Variants in PDE9A observed in about 807,000 individuals in gnomAD.
PDE9A encodes high affinity cGMP-specific 3',5'-cyclic phosphodiesterase 9A.
In PDE9A, 60 loss-of-function variants were observed where a neutral mutation model predicts 87.4. That is an observed-to-expected ratio of 0.69 (90% CI 0.56 to 0.85). The LOEUF is 0.85. Among genes scored for constraint, PDE9A ranks in the 40% least tolerant of loss-of-function variants. The pLI is 0.00. For synonymous variants in PDE9A, 272 were observed against 279.4 expected (o/e 0.97, Z 0.27); for missense variants, 665 against 779.0 (o/e 0.85, Z 1.74).
intron 19 of PDE9A, among the ~76,000 whole-genome samples, chr21:42,774,138 T>TATAA (rs765129934): frequency 6.6e-6 from 1 of 151,916 alleles, no homozygotes; most frequent in African/African-American, 2.4e-5. Context: ...CTCAAAAAAA[T>TATAA]ATAAATAAAT....
chr21:42,732,393 C>T (rs2051895282), intron 6 of PDE9A, among the ~76,000 whole-genome samples: 1 of 152,214 alleles, frequency 6.6e-6, no homozygotes, highest in Non-Finnish European at 1.5e-5. Flanking sequence ...ATGTTCTCCA[C>T]CGGCTCTTCT....
chr21:42,771,221 G>T (rs2269174), intron 18 of PDE9A, among the ~76,000 whole-genome samples: 1 of 151,976 alleles, frequency 6.6e-6, no homozygotes, highest in African/African-American at 2.4e-5. Flanking sequence ...CTGGCACGGG[G>T]ACAAAGCGAC....
At chr21:42,720,771 C>G (rs1381932262) in intron 4 of PDE9A, among the ~76,000 whole-genome samples, 1 of 151,894 alleles carries the variant, frequency 6.6e-6, no homozygotes, top group Non-Finnish European at 1.5e-5. Context: ...TTTGGGAGGC[C>G]GAGGTGGGCG....
At chr21:42,737,233 A>G (rs1299818305) in intron 7 of PDE9A, among the ~76,000 whole-genome samples, 1 of 152,242 alleles carries the variant, frequency 6.6e-6, no homozygotes, top group Non-Finnish European at 1.5e-5. Context: ...TCCCATCTAC[A>G]TATGCACACA....
Position 42,771,259 on chromosome 21 carries a change from AAC to A in PDE9A, c.1686+468_1686+469del, listed in dbSNP as rs560782459. On this transcript the variant is annotated intron_variant, in intron 18 of 19. Transcript: ENST00000291539. ...CCCACCTGCCAGCTCCCGGGCCCAG[AAC>A]ACACACCGGCACCTCTCAGGGGCCA... Among the ~76,000 whole-genome samples the A allele has an allele frequency of 1.3e-4, 20 of 152,318 alleles. No individual in the cohort carries two copies. In the South Asian group the frequency reaches 3.9e-3, roughly 30 times the overall value.
At chr21:42,663,018 C>T (rs566438315) in intron 1 of PDE9A, among the ~76,000 whole-genome samples, 3 of 150,042 alleles carry the variant, frequency 2.0e-5, no homozygotes, top group South Asian at 4.3e-4. Flanking sequence ...ACCACACACA[C>T]GCACATATCA....
At chr21:42,741,703 C>CCTCGAAACGG (rs1223790578) in intron 7 of PDE9A, 1 of 134,576 alleles carries the variant, frequency 7.4e-6, no homozygotes, top group East Asian at 2.3e-4. Context: ...CCTGGAAACG[C>CCTCGAAACGG]CTCGAAACCC....
At position 42,760,579 on chromosome 21, in the gene PDE9A, C is replaced by T; in HGVS notation, c.1002+147C>T. 1.6e-6 allele frequency: 1 copy of T among 637,630 alleles called. No individual in the cohort carries two copies. Among genetic ancestry groups the T allele is most frequent in the Non-Finnish European group, 2.8e-6 (1 of 357,820 alleles). 39.5% of individuals were successfully genotyped at this position (637,630 alleles called of 1,614,324 possible). A position where few individuals can be genotyped will look rare whatever the true frequency, so the allele number is the denominator to read the frequency against. On this transcript the variant is annotated intron_variant, in intron 12 of 19. Transcript: ENST00000291539. This position sits in a 1 kb window ranked among gnomAD's most constrained non-coding sequence, Gnocchi z 5.2. The stretch of plus-strand genomic sequence containing the variant: ...CGCCCCTCCTAGGGACGCACCCCTG[C>T]CCACCGTTGTCAGTCACCCCATGGG...
chr21:42,681,152 C>T (rs1426650107), intron 1 of PDE9A, among the ~76,000 whole-genome samples: 2 of 152,214 alleles, frequency 1.3e-5, no homozygotes, highest in African/African-American at 4.8e-5. Flanking sequence ...GAGTTGATGC[C>T]ATCAACCCTA....
At chr21:42,747,962 TC>T (rs2054039147) in intron 8 of PDE9A, among the ~76,000 whole-genome samples, 1 of 152,156 alleles carries the variant, frequency 6.6e-6, no homozygotes, top group Non-Finnish European at 1.5e-5. Context: ...AGACGCTGGT[TC>T]CCGTGGCAGC....
intron 4 of PDE9A, chr21:42,724,618 A>G (rs2050853949): frequency 1.0e-6 from 1 of 983,916 alleles, no homozygotes; most frequent in African/African-American, 1.7e-5. Flanking sequence ...GTGCTGAGTC[A>G]CATATATTCC....
chr21:42,692,906 G>C lies in PDE9A; in HGVS notation c.218+4912G>C, dbSNP rs1056640719. On this transcript the variant is annotated intron_variant, in intron 3 of 19. Coordinates refer to ENST00000291539, the MANE Select transcript of PDE9A (RefSeq NM_002606.3). The surrounding 1 kb of genome is among the most constrained non-coding windows in gnomAD (Gnocchi z 4.3). ...CACCGGAGCCGCGGTGCGAGGCCTC[G>C]GGAATGCTCACCGTTTCTCTCCCGC... 5.3e-5 allele frequency among the ~76,000 whole-genome samples: 8 copies of C among 152,152 alleles called. No individual in the cohort carries two copies. Among genetic ancestry groups the C allele is most frequent in the Admixed American group, 2.0e-4 (3 of 15,280 alleles).
chr21:42,768,124 GAGCAGC>G, intron 15 of PDE9A, 58 bp from the exon 16 acceptor site: 1 of 953,380 alleles, frequency 1.0e-6, no homozygotes, highest in Non-Finnish European at 1.7e-6. Flanking sequence ...GTCCAGACCC[GAGCAGC>G]AGCAGCAGGC....
intron 4 of PDE9A, among the ~76,000 whole-genome samples, chr21:42,729,211 A>AGTT (rs960630684): frequency 6.6e-6 from 1 of 152,086 alleles, no homozygotes; most frequent in African/African-American, 2.4e-5. Flanking sequence ...ATATTGAATG[A>AGTT]GTTGTAGTAC....
At chr21:42,676,044 C>A (rs561344924) in intron 1 of PDE9A, among the ~76,000 whole-genome samples, 1 of 152,300 alleles carries the variant, frequency 6.6e-6, no homozygotes, top group East Asian at 1.9e-4. Flanking sequence ...TCTCCTCTCT[C>A]TCCCTCACGG....
chr21:42,719,924 G>A (rs1477363784), intron 4 of PDE9A, among the ~76,000 whole-genome samples: 1 of 152,084 alleles, frequency 6.6e-6, no homozygotes, highest in Non-Finnish European at 1.5e-5. Context: ...TTAGTTTATT[G>A]GATCACCGAA....
intron 1 of PDE9A, among the ~76,000 whole-genome samples, chr21:42,685,467 C>CTGTTTTTTTTTTTT (rs2059405529): frequency 8.6e-6 from 1 of 115,974 alleles, no homozygotes; most frequent in African/African-American, 3.6e-5. Flanking sequence ...GAAAGGCAGT[C>CTGTTTTTTTTTTTT]TTTTTTTTTT....
chr21:42,734,165 G>A (rs1219768500), intron 7 of PDE9A: 2 of 152,014 alleles, frequency 1.3e-5, no homozygotes, highest in East Asian at 1.9e-4. Context: ...AAATTGCCCA[G>A]CCTCAGGTAT....
chr21:42,719,357 A>T (rs1421770362), intron 4 of PDE9A, among the ~76,000 whole-genome samples: 1 of 151,794 alleles, frequency 6.6e-6, no homozygotes, highest in African/African-American at 2.4e-5. Context: ...ATTCTAGGCC[A>T]AGTACAGTGG....
Sources: allele counts gnomAD v4.1 joint callset (sites outside exome capture counted in the v4.1 genomes callset), GRCh38; gene constraint gnomAD v4.1.1; non-coding constraint Gnocchi (gnomAD v3.1); transcripts MANE v1.5; gene names NCBI Gene and HGNC (gene_info 2026-07-23, HGNC 2026-07-21).